Variants in STK33 observed in about 807,000 individuals in gnomAD.
STK33 encodes serine/threonine kinase 33.
A neutral mutation model predicts 58.0 loss-of-function variants in STK33; 52 were observed. The ratio of observed to expected loss-of-function variants is 0.90; its 90% CI spans 0.72 to 1.13. The LOEUF is 1.13. Among genes scored for constraint, STK33 ranks in the 50% most tolerant of loss-of-function variants. STK33 has a pLI of 0.00. For synonymous variants in STK33, 215 were observed against 200.1 expected (o/e 1.07, Z -0.63); for missense variants, 630 against 604.2 (o/e 1.04, Z -0.45).
At chr11:8,545,022 T>C (rs1213665843) in intron 1 of STK33, among the ~76,000 whole-genome samples, 4 of 152,196 alleles carry the variant, frequency 2.6e-5, no homozygotes, top group Admixed American at 2.6e-4. Context: ...GCTTTTCAAA[T>C]GTTTATTCAG....
chr11:8,565,081 C>T (rs961530120), intron 1 of STK33, among the ~76,000 whole-genome samples: 4 of 152,110 alleles, frequency 2.6e-5, no homozygotes, highest in South Asian at 2.1e-4. Context: ...AGGGCATCTC[C>T]GGGAGTGTCA....
intron 1 of STK33, among the ~76,000 whole-genome samples, chr11:8,530,677 A>T (rs890817607): frequency 6.6e-6 from 1 of 152,110 alleles, no homozygotes; most frequent in African/African-American, 2.4e-5. Context: ...AAGCTTCAAA[A>T]GCATTTCTCT....
chr11:8,556,978 T>C (rs1956782229), intron 1 of STK33, among the ~76,000 whole-genome samples: 1 of 151,866 alleles, frequency 6.6e-6, no homozygotes, highest in South Asian at 2.1e-4. Context: ...AAACCAGGCA[T>C]GGTGTCTCAT....
chr11:8,511,234 T>G (rs1304477277), intron 1 of STK33, among the ~76,000 whole-genome samples: 3 of 152,168 alleles, frequency 2.0e-5, no homozygotes, highest in Admixed American at 6.5e-5. Context: ...CCTAATTATT[T>G]TATTATTTTT....
chr11:8,351,157 C>A, the STK33 span, among the ~76,000 whole-genome samples: 1 of 152,144 alleles, frequency 6.6e-6, no homozygotes, highest in Non-Finnish European at 1.5e-5. Context: ...AACACCTCCC[C>A]CCGAAACCAA....
intron 14 of STK33, among the ~76,000 whole-genome samples, chr11:8,431,016 G>A (rs568232238): frequency 4.0e-4 from 60 of 151,744 alleles, no homozygotes; most frequent in Non-Finnish European, 7.8e-4. Flanking sequence ...ACCAGCACCC[G>A]CCACCACGCC....
At chr11:8,417,461 C>T (rs1017485831) in intron 14 of STK33, among the ~76,000 whole-genome samples, 8 of 152,052 alleles carry the variant, frequency 5.3e-5, no homozygotes, top group East Asian at 1.9e-4. Flanking sequence ...AGAGATAGTG[C>T]CTATCAGTGC....
At chr11:8,564,599 A>G (rs1254668658) in intron 1 of STK33, among the ~76,000 whole-genome samples, 1 of 152,226 alleles carries the variant, frequency 6.6e-6, no homozygotes, top group African/African-American at 2.4e-5. Flanking sequence ...CTTCAGAAGA[A>G]AAGACTGAAG....
rs985266733 is a variant in STK33, at chr11:8,457,894, A to G, written c.559-415T>C. Among the ~76,000 whole-genome samples, 6 of 152,210 alleles carry G rather than the reference A, an allele frequency of 3.9e-5. No individual in the cohort carries two copies. In the East Asian group the frequency reaches 9.6e-4, roughly 24 times the overall value. On this transcript the variant is annotated intron_variant, in intron 8 of 15. Transcript: ENST00000687296. ...CAAAGACTCCAAAGCTTGAAACAGC[A>G]CTGTCTGTTAAAAGAATAATCTCAG...
chr11:8,461,532 C>T (rs1353570239), intron 8 of STK33, among the ~76,000 whole-genome samples: 1 of 152,132 alleles, frequency 6.6e-6, no homozygotes, highest in African/African-American at 2.4e-5. Flanking sequence ...GTTCTAATCA[C>T]CATTTGGTTG....
intron 1 of STK33, among the ~76,000 whole-genome samples, chr11:8,593,257 G>C (rs1194121967): frequency 6.6e-6 from 1 of 152,194 alleles, no homozygotes; most frequent in African/African-American, 2.4e-5. Flanking sequence ...AAAACTTGTT[G>C]ATGTTCCTTT....
chr11:8,542,146 GT>G (rs552616986), intron 1 of STK33, among the ~76,000 whole-genome samples: 235 of 152,226 alleles, frequency 1.5e-3, no homozygotes, highest in African/African-American at 5.1e-3. Context: ...GAAATAGTAG[GT>G]TCTTTGATTC....
At chr11:8,490,743 C>A (rs1950549262) in intron 1 of STK33, among the ~76,000 whole-genome samples, 1 of 152,176 alleles carries the variant, frequency 6.6e-6, no homozygotes, top group Non-Finnish European at 1.5e-5. Flanking sequence ...GAAATATTTG[C>A]TGTTCTGCAA....
At chr11:8,545,004 A>G (rs1955806685) in intron 1 of STK33, among the ~76,000 whole-genome samples, 1 of 152,230 alleles carries the variant, frequency 6.6e-6, no homozygotes, top group Non-Finnish European at 1.5e-5. Context: ...TTGAAGAGCA[A>G]TCCAAAAGCT....
At chr11:8,523,546 C>A (rs539665766) in intron 1 of STK33, among the ~76,000 whole-genome samples, 1 of 151,574 alleles carries the variant, frequency 6.6e-6, no homozygotes, top group African/African-American at 2.4e-5. Context: ...AAGCGAGGAG[C>A]CCCTCCACCC....
chr11:8,469,830 T>C (rs977669167), intron 6 of STK33, among the ~76,000 whole-genome samples: 1 of 152,228 alleles, frequency 6.6e-6, no homozygotes, highest in African/African-American at 2.4e-5. Context: ...ACCAGGCGCA[T>C]TGTCAATGAG....
chr11:8,498,114 C>T (rs1951202578), intron 1 of STK33, among the ~76,000 whole-genome samples: 1 of 151,870 alleles, frequency 6.6e-6, no homozygotes, highest in Non-Finnish European at 1.5e-5. Flanking sequence ...ATTATTAATA[C>T]AATAAATGGT....
At chr11:8,586,307 A>T (rs1237478588) in intron 1 of STK33, among the ~76,000 whole-genome samples, 1 of 151,476 alleles carries the variant, frequency 6.6e-6, no homozygotes, top group African/African-American at 2.4e-5. Flanking sequence ...TAGCCTGTCC[A>T]GTCATTGTCT....
At chr11:8,452,548 G>A (rs547876177) in intron 11 of STK33, among the ~76,000 whole-genome samples, 2 of 152,234 alleles carry the variant, frequency 1.3e-5, no homozygotes, top group African/African-American at 4.8e-5. Flanking sequence ...TGGGAAAGGA[G>A]AGGCTGGAGG....
Sources: allele counts gnomAD v4.1 joint callset (sites outside exome capture counted in the v4.1 genomes callset), GRCh38; gene constraint gnomAD v4.1.1; transcripts MANE v1.5; gene names NCBI Gene and HGNC (gene_info 2026-07-23, HGNC 2026-07-21).